NCBP3: variants seen among roughly 807,000 people sequenced by gnomAD.
NCBP3 encodes the protein nuclear cap-binding protein subunit 3.
NCBP3 carries 20 observed loss-of-function variants against 75.7 expected under a neutral mutation model. That is an observed-to-expected ratio of 0.26 (90% CI 0.19 to 0.38). NCBP3 has a LOEUF of 0.38. Among genes scored for constraint, NCBP3 ranks in the 10% least tolerant of loss-of-function variants. The pLI, the probability that NCBP3 is intolerant of heterozygous loss-of-function variation, is 1.00. For synonymous variants in NCBP3, 293 were observed against 290.5 expected (o/e 1.01, Z -0.09); for missense variants, 678 against 796.9 (o/e 0.85, Z 1.80).
intron 3 of NCBP3, among the ~76,000 whole-genome samples, chr17:3,835,664 T>C (rs1190299208): frequency 6.6e-6 from 1 of 152,248 alleles, no homozygotes; most frequent in East Asian, 1.9e-4. Flanking sequence ...TTAAGAAACA[T>C]TCAGGCAGCC....
chr17:3,826,277 G>T (rs575781238), intron 4 of NCBP3, 62 bp from the exon 5 acceptor site: 1 of 1,452,436 alleles, frequency 6.9e-7, no homozygotes, highest in Non-Finnish European at 9.2e-7. Context: ...CTTGAGAGCA[G>T]ATTCTGCATC....
chr17:3,845,159 CA>C (rs1247253036), intron 1 of NCBP3, among the ~76,000 whole-genome samples: 1 of 152,146 alleles, frequency 6.6e-6, no homozygotes, highest in East Asian at 1.9e-4. Flanking sequence ...ATTTAAGTGA[CA>C]CAATATAGTG....
In NCBP3 at chr17:3,812,611, C is replaced by T. The variant is rs1240476270; in HGVS notation, c.*433G>A. 9.8e-7 allele frequency: 1 copy of T among 1,018,272 alleles called. No homozygotes were observed. Among genetic ancestry groups the T allele is most frequent in the African/African-American group, 1.7e-5 (1 of 57,628 alleles). 63.1% of individuals were successfully genotyped at this position (1,018,272 alleles called of 1,614,324 possible). A position where few individuals can be genotyped will look rare whatever the true frequency, so the allele number is the denominator to read the frequency against. Reference sequence around the variant, plus strand: ...TCCCCCTCGAAGGATGTCCAATAAGCACCTGGGAATTGACTTTTCTTGGGA... The same window carrying T: ...TCCCCCTCGAAGGATGTCCAATAAGTACCTGGGAATTGACTTTTCTTGGGA... On this transcript the variant is annotated 3_prime_UTR_variant, in exon 13 of 13. Transcript: ENST00000389005.
chr17:3,834,734 A>AC (rs1208739304), intron 3 of NCBP3, among the ~76,000 whole-genome samples: 8 of 152,058 alleles, frequency 5.3e-5, no homozygotes, highest in South Asian at 2.1e-4. Context: ...ACACAGTGAG[A>AC]CCCCATCTCT....
In NCBP3 at chr17:3,818,340, A is replaced by G. The variant is rs768720440; in HGVS notation, c.1233T>C (p.Ile411=). 2.5e-6 allele frequency: 4 copies of G among 1,614,040 alleles called. No homozygotes were observed. The highest frequency in any genetic ancestry group is 3.4e-6 in the Non-Finnish European group (4 of 1,180,018). ...TGCTTTTCTTTGGTGAAGGCGTGGAAATCATTTTCAGTTCTAGATCATAGT... is the reference window on the plus strand; with the variant it reads ...TGCTTTTCTTTGGTGAAGGCGTGGAGATCATTTTCAGTTCTAGATCATAGT... ...EMDYDLELKM[I]STPSPKKSMK... is the part of the protein sequence containing the mutation. Residue 411 remains isoleucine (I), a synonymous_variant, in exon 10 of 13, where the codon ATT becomes ATC. Coordinates refer to ENST00000389005, the MANE Select transcript of NCBP3 (RefSeq NM_001114118.3). This position sits in a 1 kb window ranked among gnomAD's most constrained non-coding sequence, Gnocchi z 4.7.
intron 3 of NCBP3, among the ~76,000 whole-genome samples, chr17:3,832,575 G>C (rs1297527923): frequency 1.4e-5 from 2 of 146,830 alleles, no homozygotes; most frequent in Non-Finnish European, 3.0e-5. Context: ...AGGTTGCAGT[G>C]AGCCGAGATC....
Position 3,825,855 on chromosome 17 carries a change from T to A in NCBP3, c.611-12A>T. ...GTCTTCCTGCTTGTCTAAAATGGAA[T>A]GTGAAGGACAAGATGAAACAAGATA... On this transcript the variant is annotated splice_polypyrimidine_tract_variant and intron_variant, in intron 5 of 12. Transcript: ENST00000389005. The A allele has an allele frequency of 1.3e-6, 2 of 1,544,072 alleles. No individual in the cohort carries two copies. Among genetic ancestry groups the A allele is most frequent in the Non-Finnish European group, 1.8e-6 (2 of 1,140,886 alleles).
At chr17:3,826,427 G>A (rs1274003877) in intron 4 of NCBP3, among the ~76,000 whole-genome samples, 3 of 152,030 alleles carry the variant, frequency 2.0e-5, no homozygotes, top group East Asian at 1.9e-4. Flanking sequence ...CAGGAGACTC[G>A]CTTGGAGTGA....
chr17:3,821,503 AC>A, intron 8 of NCBP3, 151 bp from the exon 9 acceptor site: 1 of 612,336 alleles, frequency 1.6e-6, no homozygotes, highest in South Asian at 2.0e-5. Flanking sequence ...GCTCACTGCA[AC>A]CTTTGCCTCT....
chr17:3,837,733 C>CAAAAAA (rs370179376), intron 3 of NCBP3, among the ~76,000 whole-genome samples: 2 of 87,436 alleles, frequency 2.3e-5, no homozygotes, highest in Admixed American at 1.3e-4. Flanking sequence ...GCCTCTGTCT[C>CAAAAAA]AAAAAAAAAA....
Position 3,811,360 on chromosome 17 carries a change from GAGAAA to G in NCBP3, c.*1679_*1683del, listed in dbSNP as rs2053410091. The G allele has an allele frequency of 6.6e-6, 1 of 152,160 alleles. No individual in the cohort carries two copies. Among genetic ancestry groups the G allele is most frequent in the Non-Finnish European group, 1.5e-5 (1 of 68,032 alleles). 9.4% of individuals were successfully genotyped at this position (152,160 alleles called of 1,614,324 possible). ...TATGCTTCACAGGGAAAGAAAAGCTGAGAAATCTCAGATGTCTTAAGTCTCAACTG... is the reference window on the plus strand; with the variant it reads ...TATGCTTCACAGGGAAAGAAAAGCTGTCTCAGATGTCTTAAGTCTCAACTG... On this transcript the variant is annotated 3_prime_UTR_variant, in exon 13 of 13. Transcript: ENST00000389005.
chr17:3,832,042 T>C lies in NCBP3; in HGVS notation c.356-2674A>G, dbSNP rs1207487773. On this transcript the variant is annotated intron_variant, in intron 3 of 12. Coordinates refer to ENST00000389005, the MANE Select transcript of NCBP3 (RefSeq NM_001114118.3). The stretch of plus-strand genomic sequence containing the variant: ...CTACTAAAAATACAAAAATTAGCCA[T>C]GTGTGGTGGCATGTGCCTGTAATCC... Among the ~76,000 whole-genome samples, 3 of 117,910 alleles carry C rather than the reference T, an allele frequency of 2.5e-5. 1 individual carries two copies. The highest frequency in any genetic ancestry group is 6.2e-5 in the Non-Finnish European group (3 of 48,628). 77.4% of individuals were successfully genotyped at this position (117,910 alleles called of 152,430 possible).
intron 9 of NCBP3, among the ~76,000 whole-genome samples, chr17:3,819,939 C>G (rs2053631035): frequency 6.6e-6 from 1 of 152,004 alleles, no homozygotes; most frequent in African/African-American, 2.4e-5. Context: ...AACTGTGTAA[C>G]AGTAAAGTAT....
chr17:3,830,767 A>T (rs1375022955), intron 3 of NCBP3, among the ~76,000 whole-genome samples: 1 of 150,966 alleles, frequency 6.6e-6, no homozygotes, highest in Admixed American at 6.6e-5. Flanking sequence ...TTGTATTTTT[A>T]AGAGATGGGG....
chr17:3,836,371 T>C (rs2053971213), intron 3 of NCBP3, among the ~76,000 whole-genome samples: 1 of 152,166 alleles, frequency 6.6e-6, no homozygotes, highest in African/African-American at 2.4e-5. Context: ...ATTCCTGTCA[T>C]TGGCCGGGCG....
intron 3 of NCBP3, among the ~76,000 whole-genome samples, chr17:3,837,243 A>C (rs2053989346): frequency 6.6e-6 from 1 of 151,794 alleles, no homozygotes; most frequent in Non-Finnish European, 1.5e-5. Flanking sequence ...TCACACCTGT[A>C]ATCCCAGCAC....
At chr17:3,833,661 A>T (rs751592655) in intron 3 of NCBP3, among the ~76,000 whole-genome samples, 4 of 151,596 alleles carry the variant, frequency 2.6e-5, no homozygotes, top group Non-Finnish European at 4.4e-5. Context: ...AAAAAAAGAC[A>T]TCTGAGGCCA....
rs1347725217 is a variant in NCBP3, at chr17:3,804,619, AG to A, written c.*8424del. ...GCACTGAGGCACAGCCTTCAGACAC[AG>A]GAAATGGTTCTATTCTCCCACTTGC... On this transcript the variant is annotated 3_prime_UTR_variant, in exon 13 of 13. Coordinates refer to ENST00000389005, the MANE Select transcript of NCBP3 (RefSeq NM_001114118.3). 6.6e-6 allele frequency: 1 copy of A among 152,288 alleles called. No homozygotes were observed. Among genetic ancestry groups the A allele is most frequent in the Admixed American group, 6.5e-5 (1 of 15,280 alleles). The allele number at this position is 152,288 out of a possible 1,614,324, so 9.4% of individuals were successfully genotyped here. A position where few individuals can be genotyped will look rare whatever the true frequency, so the allele number is the denominator to read the frequency against.
chr17:3,810,885 C>G lies in NCBP3; in HGVS notation c.*2159G>C, dbSNP rs1026145159. On this transcript the variant is annotated 3_prime_UTR_variant, in exon 13 of 13. Coordinates refer to ENST00000389005, the MANE Select transcript of NCBP3 (RefSeq NM_001114118.3). ...CTGAAAGGCCGTGGAACAAATGGAC[C>G]TGAGCTGCTGGTGTAAAACCAAAAG... The G allele has an allele frequency of 6.6e-6, 1 of 152,356 alleles. No homozygotes were observed. The highest frequency in any genetic ancestry group is 2.4e-5 in the African/African-American group (1 of 41,448). The allele number at this position is 152,356 out of a possible 1,614,324, so 9.4% of individuals were successfully genotyped here.
Sources: gnomAD v4.1 joint callset for allele counts (sites outside exome capture counted in the v4.1 genomes callset) on GRCh38, gnomAD v4.1.1 for gene constraint, Gnocchi (gnomAD v3.1) non-coding constraint, MANE v1.5 for transcripts, NCBI Gene and HGNC (gene_info 2026-07-23, HGNC 2026-07-21) for gene names.